SNX20: variants seen among roughly 807,000 people sequenced by gnomAD.
SNX20 encodes the protein sorting nexin 20.
A neutral mutation model predicts 24.5 loss-of-function variants in SNX20; 21 were observed. The observed-to-expected ratio is 0.86, with a 90% confidence interval of 0.61 to 1.23. The LOEUF is 1.23. Among genes scored for constraint, SNX20 ranks in the 50% most tolerant of loss-of-function variants. The pLI is 0.00. For synonymous variants in SNX20, 206 were observed against 192.8 expected (o/e 1.07, Z -0.57); for missense variants, 433 against 430.8 (o/e 1.00, Z -0.04).
At chr16:50,674,399 C>A (rs975979958) in intron 3 of SNX20, among the ~76,000 whole-genome samples, 1 of 151,914 alleles carries the variant, frequency 6.6e-6, no homozygotes, top group Non-Finnish European at 1.5e-5. Context: ...ACAGGCACAC[C>A]CACTACCTGG....
chr16:50,676,237 C>T (rs1341914429), intron 2 of SNX20, among the ~76,000 whole-genome samples: 1 of 151,778 alleles, frequency 6.6e-6, no homozygotes. Context: ...ATGGTGAAAT[C>T]CCTGCTCTGG....
downstream of SNX20, chr16:50,668,794 GT>G: frequency 1.6e-6 from 2 of 1,246,626 alleles, no homozygotes; most frequent in Non-Finnish European, 2.0e-6. Flanking sequence ...GGTGGAACTG[GT>G]TTTGCCACTC....
At chr16:50,674,855 G>A (rs1416671425) in intron 3 of SNX20, among the ~76,000 whole-genome samples, 1 of 152,110 alleles carries the variant, frequency 6.6e-6, no homozygotes, top group Non-Finnish European at 1.5e-5. Flanking sequence ...TCCTGATTAC[G>A]GGCAATTATA....
At position 50,673,569 on chromosome 16, in the gene SNX20, TGGCCCTCCCGGGCCTGCAGGCGCTGCAG is replaced by T. The variant is rs1567369313; in HGVS notation, c.760_787del (p.Leu254IlefsTer23). 2 of 1,601,180 alleles carry T rather than the reference TGGCCCTCCCGGGCCTGCAGGCGCTGCAG, an allele frequency of 1.2e-6. No individual in the cohort carries two copies. The highest frequency in any genetic ancestry group is 1.7e-6 in the Non-Finnish European group (2 of 1,177,006). On this transcript the variant is annotated frameshift_variant, in exon 4 of 4. Transcript: ENST00000330943. LOFTEE classifies it high-confidence loss of function. The surrounding 1 kb of genome is among the most constrained non-coding windows in gnomAD (Gnocchi z 4.1). ...GTCCAGCAGAGGCGCATAGTAGCGA[TGGCCCTCCCGGGCCTGCAGGCGCTGCAG>T]GGCCCTCTCTCCGGCCGCGAAGGCC...
Position 50,674,202 on chromosome 16 carries a change from A to ATTGT in SNX20, c.283-132_283-129dup, listed in dbSNP as rs537431215. ...TGAAAACGGGCGATCCTTATATGCA[A>ATTGT]TTGTTTGTTTGTTTGTTTGTTTGTT... On this transcript the variant is annotated intron_variant, in intron 3 of 3. Coordinates refer to ENST00000330943, the MANE Select transcript of SNX20 (RefSeq NM_182854.4). The ATTGT allele has an allele frequency of 2.8e-3, 3,026 of 1,066,920 alleles. 41 individuals carry two copies. The highest frequency in any genetic ancestry group is 0.017 in the African/African-American group (927 of 54,630). The allele number at this position is 1,066,920 out of a possible 1,614,324, so 66.1% of individuals were successfully genotyped here.
In SNX20 at chr16:50,673,118, C is replaced by A. The variant is rs1239199120; in HGVS notation, c.*288G>T. 1.4e-5 allele frequency: 4 copies of A among 285,536 alleles called. No individual in the cohort carries two copies. Among genetic ancestry groups the A allele is most frequent in the Non-Finnish European group, 2.5e-5 (4 of 159,460 alleles). 17.7% of individuals were successfully genotyped at this position (285,536 alleles called of 1,614,324 possible). Reference sequence around the variant, plus strand: ...AGAAGTTAGAGACCAGCCTGGGCAACAGAGAGACCCTGTCTCTACTAAAAA... The same window carrying A: ...AGAAGTTAGAGACCAGCCTGGGCAAAAGAGAGACCCTGTCTCTACTAAAAA... On this transcript the variant is annotated 3_prime_UTR_variant, in exon 4 of 4. Coordinates refer to ENST00000330943, the MANE Select transcript of SNX20 (RefSeq NM_182854.4). This position sits in a 1 kb window ranked among gnomAD's most constrained non-coding sequence, Gnocchi z 4.1.
At chr16:50,676,734 C>T (rs1379389757) in intron 2 of SNX20, among the ~76,000 whole-genome samples, 2 of 152,254 alleles carry the variant, frequency 1.3e-5, no homozygotes, top group Non-Finnish European at 2.9e-5. Context: ...CTGTTTCTCA[C>T]TGATCTGTTT....
Position 50,673,657 on chromosome 16 carries a change from G to T in SNX20, c.700C>A (p.Leu234Met), listed in dbSNP as rs774119531. ...AAAVPALCAV[L>M]LCHRDLDRPA... ...CGGTCGAGGTCGCGGTGGCACAGCA[G>T]CACGGCGCACAGGGCCGGGACGGCG... The change falls in exon 4 of 4, where the codon CTG (leucine) becomes ATG (methionine). Residue 234 changes from leucine to methionine, a missense_variant. Physicochemically the swap from Leu to Met is conservative, Grantham distance 15. Transcript: ENST00000330943. This position sits in a 1 kb window ranked among gnomAD's most constrained non-coding sequence, Gnocchi z 4.1. 68 of 1,510,760 alleles carry T rather than the reference G, an allele frequency of 4.5e-5. No homozygotes were observed. The African/African-American group carries it at 9.8e-4, about 22-fold the overall frequency. The allele number at this position is 1,510,760 out of a possible 1,614,324, so 93.6% of individuals were successfully genotyped here. A position where few individuals can be genotyped will look rare whatever the true frequency, so the allele number is the denominator to read the frequency against.
rs772722665 is a variant in SNX20, at chr16:50,673,500, G to A, written c.857C>T (p.Thr286Ile). The A allele has an allele frequency of 8.7e-6, 14 of 1,609,448 alleles. No homozygotes were observed. Among genetic ancestry groups the A allele is most frequent in the Non-Finnish European group, 1.1e-5 (13 of 1,178,592 alleles). Reference sequence around the variant, plus strand: ...GCTCTCCTCCAGCCTCTCCTGCAGAGTCACGAAGTCCTTGCCCAGCGCGTA... The same window carrying A: ...GCTCTCCTCCAGCCTCTCCTGCAGAATCACGAAGTCCTTGCCCAGCGCGTA... ...LAYALGKDFVTLQERLEESQL... is the reference protein window; with the variant it reads ...LAYALGKDFVILQERLEESQL... Residue 286 changes from threonine to isoleucine, a missense_variant, in exon 4 of 4, where the codon ACT becomes ATT. Thr to Ile is a moderately conservative substitution (Grantham distance 89, BLOSUM62 -1). Transcript: ENST00000330943. The surrounding 1 kb of genome is among the most constrained non-coding windows in gnomAD (Gnocchi z 4.1).
At chr16:50,669,085 G>T, downstream of SNX20, 1 of 1,550,376 alleles carries the variant, frequency 6.5e-7, no homozygotes, top group Non-Finnish European at 8.7e-7. Flanking sequence ...TCTGGTTCTG[G>T]TGCTGTCCCT....
chr16:50,671,763 TGAG>T lies in SNX20; in HGVS notation c.*1640_*1642del, dbSNP rs1567368461. 1 of 152,202 alleles carries T rather than the reference TGAG, an allele frequency of 6.6e-6. No individual in the cohort carries two copies. Among genetic ancestry groups the T allele is most frequent in the Non-Finnish European group, 1.5e-5 (1 of 68,036 alleles). 9.4% of individuals were successfully genotyped at this position (152,202 alleles called of 1,614,324 possible). The stretch of plus-strand genomic sequence containing the variant: ...TTTCCCTGGAGTAGATTGGGAGATT[TGAG>T]GGATATCTGTCCAAAGATGAGACAG... On this transcript the variant is annotated 3_prime_UTR_variant, in exon 4 of 4. Transcript: ENST00000330943.
chr16:50,678,207 A>G (rs985732439), intron 1 of SNX20, among the ~76,000 whole-genome samples: 53 of 152,186 alleles, frequency 3.5e-4, no homozygotes, highest in Non-Finnish European at 7.4e-4. Context: ...CTCAAAAAGA[A>G]AAAAAGAAAG....
chr16:50,680,714 C>T (rs1160917935), intron 1 of SNX20, among the ~76,000 whole-genome samples: 1 of 152,154 alleles, frequency 6.6e-6, no homozygotes, highest in African/African-American at 2.4e-5. Flanking sequence ...GGACGCTCAC[C>T]TGAGAAGCCT....
chr16:50,669,138 G>A (rs763244920), downstream of SNX20: 9 of 1,335,544 alleles, frequency 6.7e-6, no homozygotes, highest in African/African-American at 1.0e-4. Flanking sequence ...TCCAGGCCTT[G>A]ATTTCCCCAT....
chr16:50,677,647 CA>C, intron 1 of SNX20, 112 bp from the exon 2 acceptor site: 1 of 1,190,162 alleles, frequency 8.4e-7, no homozygotes, highest in Non-Finnish European at 1.1e-6. Flanking sequence ...GAGGGAATGA[CA>C]AGGGCCCCAC....
rs2150760886 is a variant in SNX20 at position 50,673,802 on chromosome 16, C to G, written c.555G>C (p.Thr185=). 2.5e-6 allele frequency: 4 copies of G among 1,586,936 alleles called. 1 individual carries two copies. In the Admixed American group the frequency reaches 5.2e-5, roughly 20 times the overall value. Residue 185 remains threonine, a synonymous_variant, in exon 4 of 4, where the codon ACG becomes ACC. Transcript: ENST00000330943. The surrounding 1 kb of genome is among the most constrained non-coding windows in gnomAD (Gnocchi z 4.1). ...RRSREFLDFL[T]RPELREAFGC... is the part of the protein sequence containing the mutation. ...CGAAAGCCTCGCGCAGCTCCGGCCG[C>G]GTGAGGAAGTCCAGGAACTCCCGGG...
Position 50,673,592 on chromosome 16 carries a change from C to G in SNX20, c.765G>C (p.Gln255His). The change falls in exon 4 of 4, where the codon CAG becomes CAC. Residue 255 changes from glutamine to histidine, a missense_variant. Transcript: ENST00000330943. This position sits in a 1 kb window ranked among gnomAD's most constrained non-coding sequence, Gnocchi z 4.1. The stretch of plus-strand genomic sequence containing the variant: ...GATGGCCCTCCCGGGCCTGCAGGCG[C>G]TGCAGGGCCCTCTCTCCGGCCGCGA... ...EAFAAGERALQRLQAREGHRY... is the reference protein window; with the variant it reads ...EAFAAGERALHRLQAREGHRY... The G allele has an allele frequency of 6.3e-7, 1 of 1,588,130 alleles. No individual in the cohort carries two copies. Among genetic ancestry groups the G allele is most frequent in the Non-Finnish European group, 8.5e-7 (1 of 1,172,538 alleles).
chr16:50,670,901 C>T (rs1963033275), downstream of SNX20: 1 of 152,220 alleles, frequency 6.6e-6, no homozygotes, highest in African/African-American at 2.4e-5. Context: ...AAGTGATGGT[C>T]CTGAAGCTGC....
Position 50,673,156 on chromosome 16 carries a change from C to T in SNX20, c.*250G>A. On this transcript the variant is annotated 3_prime_UTR_variant, in exon 4 of 4. Coordinates refer to ENST00000330943, the MANE Select transcript of SNX20 (RefSeq NM_182854.4). The surrounding 1 kb of genome is among the most constrained non-coding windows in gnomAD (Gnocchi z 4.1). ...TCTCTACTAAAAAATTAAAAATTAG[C>T]CTGGTGTGGTGGTGTGCACCTGTAA... is the stretch of plus-strand genomic sequence containing the variant. 1 of 458,830 alleles carries T rather than the reference C, an allele frequency of 2.2e-6. No individual in the cohort carries two copies. The highest frequency in any genetic ancestry group is 3.4e-6 in the Non-Finnish European group (1 of 292,428). 28.4% of individuals were successfully genotyped at this position (458,830 alleles called of 1,614,324 possible).
Sources: gnomAD v4.1 joint callset for allele counts (sites outside exome capture counted in the v4.1 genomes callset) on GRCh38, gnomAD v4.1.1 for gene constraint, Gnocchi (gnomAD v3.1) non-coding constraint, MANE v1.5 for transcripts, NCBI Gene and HGNC (gene_info 2026-07-23, HGNC 2026-07-21) for gene names.